The following VSTM5 variants were observed in gnomAD, a reference collection of about 807,000 sequenced individuals.
VSTM5 encodes V-set and transmembrane domain-containing protein 5.
A neutral mutation model predicts 20.3 loss-of-function variants in VSTM5; 21 were observed. That is an observed-to-expected ratio of 1.03 (90% confidence interval 0.73 to 1.49). VSTM5 has a LOEUF of 1.49. Ranked by LOEUF, VSTM5 falls within the 40% of genes most tolerant of loss-of-function variation. The pLI is 0.00. For synonymous variants in VSTM5, 100 were observed against 102.5 expected (o/e 0.98, Z 0.14); for missense variants, 219 against 250.0 (o/e 0.88, Z 0.84).
chr11:93,822,402 A>T (rs1284241), intron 1 of VSTM5, among the ~76,000 whole-genome samples: 151,120 of 152,064 alleles, frequency 0.99, 75,110 homozygotes, highest in Middle Eastern at 1. Flanking sequence ...TTTTTTTACA[A>T]AGGCACACCA....
intron 1 of VSTM5, chr11:93,821,813 G>C (rs150571657): frequency 1.3e-5 from 2 of 159,472 alleles, no homozygotes; most frequent in Non-Finnish European, 2.8e-5. Flanking sequence ...GGTGGGAATC[G>C]TGTTTTCTTT....
chr11:93,823,108 C>G (rs1169717731), intron 1 of VSTM5, among the ~76,000 whole-genome samples: 1 of 152,108 alleles, frequency 6.6e-6, no homozygotes, highest in African/African-American at 2.4e-5. Flanking sequence ...ATAACAACTC[C>G]AAGTTTCTCA....
At chr11:93,838,882 A>G (rs1163278489) in intron 1 of VSTM5, among the ~76,000 whole-genome samples, 1 of 152,262 alleles carries the variant, frequency 6.6e-6, no homozygotes, top group Non-Finnish European at 1.5e-5. Context: ...ACAAGCCCTG[A>G]TTCCAGACCA....
At chr11:93,822,240 C>T (rs894908327) in intron 1 of VSTM5, among the ~76,000 whole-genome samples, 1 of 152,078 alleles carries the variant, frequency 6.6e-6, no homozygotes, top group Non-Finnish European at 1.5e-5. Flanking sequence ...CGCCACCACA[C>T]CTGGCTAACT....
intron 1 of VSTM5, among the ~76,000 whole-genome samples, chr11:93,831,073 G>A (rs566644120): frequency 5.9e-4 from 90 of 151,630 alleles, no homozygotes; most frequent in African/African-American, 2.1e-3. Flanking sequence ...TTTGTTTTTT[G>A]TTTTGAGACA....
intron 1 of VSTM5, among the ~76,000 whole-genome samples, chr11:93,833,888 CCTT>C (rs1944302384): frequency 6.6e-6 from 1 of 152,046 alleles, no homozygotes; most frequent in South Asian, 2.1e-4. Context: ...AGCCTCCACA[CCTT>C]CTCTCCTTGT....
chr11:93,837,753 G>A (rs1944335577), intron 1 of VSTM5, among the ~76,000 whole-genome samples: 1 of 152,054 alleles, frequency 6.6e-6, no homozygotes, highest in African/African-American at 2.4e-5. Flanking sequence ...GGTATACCAG[G>A]GCTATATGCC....
intron 1 of VSTM5, among the ~76,000 whole-genome samples, chr11:93,844,937 T>C (rs1944402350): frequency 7.6e-6 from 1 of 132,028 alleles, no homozygotes; most frequent in African/African-American, 2.7e-5. Context: ...AGCCTTGTCT[T>C]CTGCCCTCAG....
chr11:93,830,066 T>A (rs1944269265), intron 1 of VSTM5, among the ~76,000 whole-genome samples: 1 of 152,036 alleles, frequency 6.6e-6, no homozygotes, highest in South Asian at 2.1e-4. Context: ...GCAGGAGGGA[T>A]CCAAGACTCC....
rs747313416 is a variant in VSTM5, at chr11:93,821,250, A to G, written c.165T>C (p.Val55=). 1.3e-6 allele frequency: 2 copies of G among 1,551,880 alleles called. No homozygotes were observed. Among genetic ancestry groups the G allele is most frequent in the South Asian group, 2.4e-5 (2 of 84,062 alleles). Residue 55 remains valine, a synonymous_variant, in exon 2 of 4, where the codon GTT becomes GTC. Coordinates refer to ENST00000409977, the MANE Select transcript of VSTM5 (RefSeq NM_001144871.2). ...TGGGCACTCCATGACAGGAGTACTC[A>G]ACTGAGAGCAGGATGTCTTCTTTGA... ...ATVKEDILLS[V]EYSCHGVPTI...
intron 1 of VSTM5, among the ~76,000 whole-genome samples, chr11:93,829,987 G>C (rs1435812050): frequency 6.6e-6 from 1 of 152,208 alleles, no homozygotes; most frequent in Non-Finnish European, 1.5e-5. Context: ...TAAATAACAA[G>C]ATTTTAAAAG....
chr11:93,820,405 C>A lies in VSTM5; in HGVS notation c.*164G>T. 1 of 712,662 alleles carries A rather than the reference C, an allele frequency of 1.4e-6. No homozygotes were observed. The allele number at this position is 712,662 out of a possible 1,614,324, so 44.1% of individuals were successfully genotyped here. A position where few individuals can be genotyped will look rare whatever the true frequency, so the allele number is the denominator to read the frequency against. On this transcript the variant is annotated 3_prime_UTR_variant, in exon 4 of 4. Coordinates refer to ENST00000409977, the MANE Select transcript of VSTM5 (RefSeq NM_001144871.2). ...AGTCCTAATACTAGCTTTGTCCCAT[C>A]CACAGTCCTCAACTCCATGCAGTCA... is the stretch of plus-strand genomic sequence containing the variant.
In VSTM5 at chr11:93,819,934, C is replaced by G. The variant is rs1199986483; in HGVS notation, c.*635G>C. ...TGGCCTCTCAGGAGTCCATTGAGCT[C>G]CTCTCCCATAAAACTCCCAGCCACC... On this transcript the variant is annotated 3_prime_UTR_variant, in exon 4 of 4. Transcript: ENST00000409977. 1 of 152,690 alleles carries G rather than the reference C, an allele frequency of 6.5e-6. No individual in the cohort carries two copies. Among genetic ancestry groups the G allele is most frequent in the Non-Finnish European group, 1.5e-5 (1 of 68,498 alleles). The allele number at this position is 152,690 out of a possible 1,614,324, so 9.5% of individuals were successfully genotyped here.
chr11:93,832,552 T>TA (rs11424929), intron 1 of VSTM5, among the ~76,000 whole-genome samples: 147,321 of 152,302 alleles, frequency 0.97, 71,355 homozygotes, highest in East Asian at 1. Flanking sequence ...ACTTAAAAAA[T>TA]AATACACTGT....
At position 93,820,795 on chromosome 11, in the gene VSTM5, A is replaced by AACCCAC; in HGVS notation, c.501_506dup (p.Trp168_Val169dup). ...GAAATTTATATGCACACTTATTACA[A>AACCCAC]ACCCACATGAGGCTGATTAATACTG... On this transcript the variant is annotated inframe_insertion, in exon 3 of 4. Coordinates refer to ENST00000409977, the MANE Select transcript of VSTM5 (RefSeq NM_001144871.2). The AACCCAC allele has an allele frequency of 6.4e-7, 1 of 1,551,482 alleles. No individual in the cohort carries two copies. The highest frequency in any genetic ancestry group is 8.7e-7 in the Non-Finnish European group (1 of 1,147,000).
chr11:93,845,848 C>T (rs897204327), intron 1 of VSTM5, among the ~76,000 whole-genome samples: 3 of 152,220 alleles, frequency 2.0e-5, no homozygotes, highest in African/African-American at 7.2e-5. Flanking sequence ...TCCACCCTGT[C>T]CTGCTGTACA....
Position 93,849,095 on chromosome 11 carries a change from A to G in VSTM5, c.91+1317T>C, listed in dbSNP as rs542850198. Among the ~76,000 whole-genome samples the G allele has an allele frequency of 1.3e-5, 2 of 152,270 alleles. 1 individual carries two copies. Among genetic ancestry groups the G allele is most frequent in the African/African-American group, 4.8e-5 (2 of 41,540 alleles). ...AAAGGTCAAAAATGTTAGATCGTTC[A>G]GTCACCTTGTATAAGTTAACATAAT... is the stretch of plus-strand genomic sequence containing the variant. On this transcript the variant is annotated intron_variant, in intron 1 of 3. Transcript: ENST00000409977.
intron 1 of VSTM5, among the ~76,000 whole-genome samples, chr11:93,830,279 T>G (rs114643128): frequency 6.6e-6 from 1 of 152,170 alleles, no homozygotes; most frequent in African/African-American, 2.4e-5. Flanking sequence ...ATACATCACA[T>G]GTACTGCCCT....
At chr11:93,838,650 AAG>A (rs1405640109) in intron 1 of VSTM5, among the ~76,000 whole-genome samples, 5 of 147,676 alleles carry the variant, frequency 3.4e-5, no homozygotes, top group African/African-American at 1.3e-4. Context: ...AAAAAAAAAA[AAG>A]CTGGGTGTGG....
Sources: allele counts gnomAD v4.1 joint callset (sites outside exome capture counted in the v4.1 genomes callset), GRCh38; gene constraint gnomAD v4.1.1; transcripts MANE v1.5; gene names NCBI Gene and HGNC (gene_info 2026-07-23, HGNC 2026-07-21).